Variants in FAAH2 observed in about 807,000 individuals in gnomAD.
The protein encoded by FAAH2 is fatty acid amide hydrolase 2.
A neutral mutation model predicts 36.9 loss-of-function variants in FAAH2; 60 were observed. The observed-to-expected ratio is 1.63, with a 90% confidence interval of 1.32 to 2.02. The LOEUF (loss-of-function observed/expected upper bound fraction) is 2.02. FAAH2 is among the 30% of genes most tolerant of loss of function. The pLI, the probability that FAAH2 is intolerant of heterozygous loss-of-function variation, is 0.00. For missense variants in FAAH2, 689 were observed against 397.5 expected, an observed-to-expected ratio of 1.73 and a Z score of -6.23; for synonymous variants, 214 against 143.8, an observed-to-expected ratio of 1.49 and a Z score of -3.49.
chrX:57,349,898 A>G (rs1217768668), intron 5 of FAAH2, among the ~76,000 whole-genome samples: 2 of 110,855 alleles, frequency 1.8e-5, no homozygotes, highest in African/African-American at 6.5e-5. Flanking sequence ...ATCCAAACAC[A>G]AGAGGCTCAG....
intron 5 of FAAH2, among the ~76,000 whole-genome samples, chrX:57,352,138 GTATATATATGCACATATATATACACATA>G (rs2054038422): frequency 2.0e-4 from 8 of 39,681 alleles, no homozygotes; most frequent in Non-Finnish European, 3.7e-4. Context: ...ATATATATGT[GTATATATATGCACATATATATACACATA>G]TATATATATG....
chrX:57,301,365 A>G (rs1244253911), intron 2 of FAAH2, among the ~76,000 whole-genome samples: 1 of 107,185 alleles, frequency 9.3e-6, no homozygotes. Context: ...CACAAGGACA[A>G]AAAACCAAAC....
chrX:57,405,598 A>T (rs1456897838), intron 7 of FAAH2, among the ~76,000 whole-genome samples: 1 of 107,695 alleles, frequency 9.3e-6, no homozygotes, highest in African/African-American at 3.4e-5. Flanking sequence ...GTGAAAGCTC[A>T]GCTCCAGCGG....
the FAAH2 span, among the ~76,000 whole-genome samples, chrX:57,182,082 A>G: frequency 4.5e-5 from 5 of 112,185 alleles, no homozygotes; most frequent in East Asian, 1.4e-3. Flanking sequence ...AATCAACTCA[A>G]GATTTATTAA....
At chrX:57,480,510 G>A (rs780241583) in intron 10 of FAAH2, among the ~76,000 whole-genome samples, 1 of 111,447 alleles carries the variant, frequency 9.0e-6, no homozygotes, top group African/African-American at 3.3e-5. Context: ...TAGTTTGTTT[G>A]GATGTGAAAT....
At chrX:57,330,328 T>G (rs1388232310) in intron 3 of FAAH2, among the ~76,000 whole-genome samples, 2 of 111,252 alleles carry the variant, frequency 1.8e-5, no homozygotes, top group African/African-American at 6.5e-5. Context: ...TGGTTGAAAC[T>G]TTAGGGATGA....
At chrX:57,359,754 C>T (rs755039855) in intron 5 of FAAH2, among the ~76,000 whole-genome samples, 9 of 111,108 alleles carry the variant, frequency 8.1e-5, no homozygotes, top group Admixed American at 6.8e-4. Flanking sequence ...TATCTGTCTG[C>T]GTATTTACCT....
chrX:57,438,000 C>A (rs775059644), intron 8 of FAAH2, among the ~76,000 whole-genome samples: 1 of 101,141 alleles, frequency 9.9e-6, no homozygotes, highest in Admixed American at 1.1e-4. Context: ...TATATACATA[C>A]GTATATGTAT....
intron 2 of FAAH2, among the ~76,000 whole-genome samples, chrX:57,307,580 T>A (rs1211446235): frequency 9.0e-6 from 1 of 111,725 alleles, no homozygotes; most frequent in African/African-American, 3.2e-5. Flanking sequence ...ACATATTATT[T>A]AACTAAATAT....
intron 2 of FAAH2, 74 bp downstream of exon 2, chrX:57,292,654 C>G: frequency 4.8e-6 from 4 of 838,921 alleles, no homozygotes; most frequent in Non-Finnish European, 5.1e-6. Flanking sequence ...GCCACCTTAG[C>G]ATATTTCCTA....
At chrX:57,473,656 T>C (rs555485884) in intron 10 of FAAH2, among the ~76,000 whole-genome samples, 1 of 111,712 alleles carries the variant, frequency 9.0e-6, no homozygotes, top group African/African-American at 3.2e-5. Context: ...ATCTATTTTC[T>C]TAGGTCTAGA....
intron 2 of FAAH2, among the ~76,000 whole-genome samples, chrX:57,293,458 A>G (rs767580240): frequency 1.8e-5 from 2 of 111,968 alleles, no homozygotes; most frequent in South Asian, 3.7e-4. Context: ...GATCATCTCA[A>G]CAGCATTTCA....
chrX:57,394,900 G>A (rs1218847680), intron 7 of FAAH2: 9 of 775,296 alleles, frequency 1.2e-5, no homozygotes, highest in Non-Finnish European at 1.8e-5. Flanking sequence ...CTATTTTACT[G>A]CACCCAACCA....
intron 5 of FAAH2, among the ~76,000 whole-genome samples, chrX:57,348,060 T>C (rs1287621052): frequency 2.7e-5 from 3 of 110,766 alleles, no homozygotes; most frequent in Non-Finnish European, 5.7e-5. Flanking sequence ...CTACATTTCC[T>C]ATTTTAGGTG....
intron 3 of FAAH2, among the ~76,000 whole-genome samples, chrX:57,316,532 A>T (rs2052844254): frequency 1.8e-5 from 2 of 111,456 alleles, no homozygotes; most frequent in Admixed American, 1.9e-4. Context: ...AGACACATAG[A>T]CCAATGGAAC....
intron 2 of FAAH2, 127 bp from the exon 3 acceptor site, chrX:57,310,466 G>T: frequency 1.3e-6 from 1 of 752,597 alleles, no homozygotes; most frequent in South Asian, 3.9e-5. Context: ...GCTTTATAAG[G>T]CTCTTGACAA....
At chrX:57,151,238 C>T in the FAAH2 span, among the ~76,000 whole-genome samples, 10 of 111,418 alleles carry the variant, frequency 9.0e-5, no homozygotes, top group African/African-American at 3.3e-4. Context: ...AATTATGTGT[C>T]TTGGAGTTTC....
In FAAH2 at chrX:57,447,153, T is replaced by G. The variant is rs2056691907; in HGVS notation, c.1228+114T>G. The stretch of plus-strand genomic sequence containing the variant: ...GCAAGTCCAAAATCCAGTGGGGTAC[T>G]GAAATCTTAACGCTCCAAAATGATC... On this transcript the variant is annotated intron_variant, in intron 9 of 10. Coordinates refer to ENST00000374900, the MANE Select transcript of FAAH2 (RefSeq NM_174912.4). 5 of 471,939 alleles carry G rather than the reference T, an allele frequency of 1.1e-5. No homozygotes were observed. The South Asian group carries it at 2.3e-4, about 22-fold the overall frequency. The allele number at this position is 471,939 out of a possible 1,213,427, so 38.9% of individuals were successfully genotyped here. A position where few individuals can be genotyped will look rare whatever the true frequency, so the allele number is the denominator to read the frequency against.
chrX:57,467,302 C>CTTTGCCTCAGGGCAAGGA (rs2057068885), intron 10 of FAAH2, among the ~76,000 whole-genome samples: 1 of 111,057 alleles, frequency 9.0e-6, no homozygotes, highest in South Asian at 3.8e-4. Context: ...CAGGGCAAGG[C>CTTTGCCTCAGGGCAAGGA]ATCGCCTCTC....
Sources: allele counts gnomAD v4.1 joint callset (sites outside exome capture counted in the v4.1 genomes callset), GRCh38; gene constraint gnomAD v4.1.1; transcripts MANE v1.5; gene names NCBI Gene and HGNC (gene_info 2026-07-23, HGNC 2026-07-21).